IMMP2L: variants seen among roughly 807,000 people sequenced by gnomAD.
The protein encoded by IMMP2L is mitochondrial inner membrane protease subunit 2.
A neutral mutation model predicts 19.3 loss-of-function variants in IMMP2L; 18 were observed. The observed-to-expected ratio is 0.93, with a 90% CI of 0.64 to 1.38. The LOEUF is 1.38. Ranked by LOEUF, IMMP2L falls within the 40% of genes most tolerant of loss-of-function variation. IMMP2L has a pLI of 0.00. For synonymous variants in IMMP2L, 76 were observed against 73.0 expected (o/e 1.04, Z -0.21); for missense variants, 233 against 218.2 (o/e 1.07, Z -0.43).
rs117936295 is a variant in IMMP2L at position 111,129,780 on chromosome 7, C to T, written c.240-166215G>A. Reference sequence around the variant, plus strand: ...TAAGAGTGACCATGGCCTAGATTTACGTTATTCTTCTAAAGGAAAATGAAA... The same window carrying T: ...TAAGAGTGACCATGGCCTAGATTTATGTTATTCTTCTAAAGGAAAATGAAA... On this transcript the variant is annotated intron_variant, in intron 3 of 5. Transcript: ENST00000405709. 2.4e-3 allele frequency among the ~76,000 whole-genome samples: 361 copies of T among 152,048 alleles called. 1 individual carries two copies. Among genetic ancestry groups the T allele is most frequent in the Non-Finnish European group, 4.5e-3 (304 of 67,960 alleles).
chr7:111,082,096 T>C (rs1586146157), intron 3 of IMMP2L, among the ~76,000 whole-genome samples: 1 of 152,274 alleles, frequency 6.6e-6, no homozygotes, highest in East Asian at 1.9e-4. Flanking sequence ...ACAGTAACCA[T>C]TTGGAGGCTA....
chr7:111,528,762 G>A (rs1468528659), intron 1 of IMMP2L, among the ~76,000 whole-genome samples: 2 of 152,154 alleles, frequency 1.3e-5, no homozygotes, highest in Admixed American at 6.5e-5. Flanking sequence ...AAAGTTGTGT[G>A]GGAGGTTTGA....
At chr7:110,864,770 C>G (rs374196766) in intron 5 of IMMP2L, among the ~76,000 whole-genome samples, 1 of 151,992 alleles carries the variant, frequency 6.6e-6, no homozygotes, top group Admixed American at 6.6e-5. Flanking sequence ...GCCAATGAAC[C>G]AATTAAAATT....
At chr7:111,379,498 T>C (rs1830996303) in intron 3 of IMMP2L, among the ~76,000 whole-genome samples, 1 of 151,774 alleles carries the variant, frequency 6.6e-6, no homozygotes, top group Non-Finnish European at 1.5e-5. Context: ...TCACATTAGA[T>C]TGCTGCACCT....
intron 3 of IMMP2L, among the ~76,000 whole-genome samples, chr7:111,387,975 TAAAAAAAA>T (rs750267136): frequency 1.1e-5 from 1 of 93,424 alleles, no homozygotes; most frequent in Non-Finnish European, 2.0e-5. Flanking sequence ...ACTCTGTCTT[TAAAAAAAA>T]AAAAAAAAAA....
At chr7:111,388,055 T>C (rs1831964296) in intron 3 of IMMP2L, among the ~76,000 whole-genome samples, 1 of 147,182 alleles carries the variant, frequency 6.8e-6, no homozygotes, top group African/African-American at 2.5e-5. Context: ...ATATAACCCA[T>C]ACCAAATGCT....
At chr7:110,991,714 C>T (rs1042120965) in intron 3 of IMMP2L, among the ~76,000 whole-genome samples, 1 of 152,180 alleles carries the variant, frequency 6.6e-6, no homozygotes, top group Admixed American at 6.5e-5. Context: ...AGTAACCCCA[C>T]AGTGGTTACT....
At chr7:111,230,674 G>A (rs748985723) in intron 3 of IMMP2L, among the ~76,000 whole-genome samples, 5 of 152,122 alleles carry the variant, frequency 3.3e-5, no homozygotes, top group Admixed American at 2.6e-4. Flanking sequence ...ACAGGTGGCA[G>A]GCTCAGTGCC....
At chr7:110,990,849 G>A (rs1822378203) in intron 3 of IMMP2L, among the ~76,000 whole-genome samples, 7 of 152,150 alleles carry the variant, frequency 4.6e-5, no homozygotes, top group Admixed American at 3.9e-4. Context: ...TAACTGTACT[G>A]TCCTGGGCTA....
chr7:110,907,354 G>A (rs1032378923), intron 4 of IMMP2L, among the ~76,000 whole-genome samples: 42 of 152,044 alleles, frequency 2.8e-4, no homozygotes, highest in Non-Finnish European at 2.9e-5. Flanking sequence ...AGCTGTCCCC[G>A]ACCAGACTCC....
At chr7:111,425,662 T>C (rs1836003576) in intron 3 of IMMP2L, among the ~76,000 whole-genome samples, 1 of 151,248 alleles carries the variant, frequency 6.6e-6, no homozygotes, top group East Asian at 1.9e-4. Flanking sequence ...AAAATTTCCA[T>C]AATAAAATAC....
At chr7:111,084,697 C>A (rs1223882279) in intron 3 of IMMP2L, among the ~76,000 whole-genome samples, 1 of 152,080 alleles carries the variant, frequency 6.6e-6, no homozygotes, top group East Asian at 1.9e-4. Context: ...ACTTAGGAGG[C>A]TTTGATGTGC....
intron 3 of IMMP2L, among the ~76,000 whole-genome samples, chr7:111,383,316 T>C (rs1457550299): frequency 6.6e-6 from 1 of 152,176 alleles, no homozygotes; most frequent in East Asian, 1.9e-4. Flanking sequence ...CCCGGACTTC[T>C]ACTCTGCCTG....
intron 3 of IMMP2L, among the ~76,000 whole-genome samples, chr7:111,319,376 C>T (rs1563053980): frequency 6.6e-6 from 1 of 151,982 alleles, no homozygotes; most frequent in East Asian, 1.9e-4. Flanking sequence ...TAGATTTCTC[C>T]AATATGTTCC....
chr7:111,257,032 G>A (rs1003016003), intron 3 of IMMP2L, among the ~76,000 whole-genome samples: 3 of 151,990 alleles, frequency 2.0e-5, no homozygotes, highest in African/African-American at 7.2e-5. Flanking sequence ...CCAGCCAAAT[G>A]CCACAGCCCA....
chr7:110,721,214 C>T (rs758427195), intron 5 of IMMP2L, among the ~76,000 whole-genome samples: 13 of 151,830 alleles, frequency 8.6e-5, no homozygotes, highest in Non-Finnish European at 1.9e-4. Context: ...GGACAGATAC[C>T]ATCTTTATGT....
chr7:110,769,228 C>T (rs1045875891), intron 5 of IMMP2L, among the ~76,000 whole-genome samples: 3 of 152,076 alleles, frequency 2.0e-5, no homozygotes, highest in Non-Finnish European at 4.4e-5. Flanking sequence ...TTGTTCTTTC[C>T]TGGTCACTTC....
rs1811758913 is a variant in IMMP2L at position 111,214,796 on chromosome 7, AAGAG to A, written c.240-251235_240-251232del. Among the ~76,000 whole-genome samples the A allele has an allele frequency of 2.0e-5, 3 of 151,842 alleles. No individual in the cohort carries two copies. In the South Asian group the frequency reaches 6.2e-4, roughly 32 times the overall value. ...GCTCCATAACCATGTAAAAAAAAAA[AAGAG>A]AGAGAGATAGAGATTAAAGTAGAAC... is the stretch of plus-strand genomic sequence containing the variant. On this transcript the variant is annotated intron_variant, in intron 3 of 5. Transcript: ENST00000405709.
intron 4 of IMMP2L, among the ~76,000 whole-genome samples, chr7:110,907,259 C>G (rs1256608332): frequency 6.6e-6 from 1 of 152,108 alleles, no homozygotes; most frequent in Non-Finnish European, 1.5e-5. Flanking sequence ...GACGAATAAA[C>G]TGAATTTGGT....
Sources: allele counts gnomAD v4.1 joint callset (sites outside exome capture counted in the v4.1 genomes callset), GRCh38; gene constraint gnomAD v4.1.1; transcripts MANE v1.5; gene names NCBI Gene and HGNC (gene_info 2026-07-23, HGNC 2026-07-21).